The following ZNF676 variants were observed in gnomAD, a reference collection of about 807,000 sequenced individuals.
The protein encoded by ZNF676 is zinc finger protein 676.
A neutral mutation model predicts 6.0 loss-of-function variants in ZNF676; 4 were observed. That is an observed-to-expected ratio of 0.67 (90% CI 0.33 to 1.53). The LOEUF is 1.53. ZNF676 is among the 40% of genes most tolerant of loss of function. ZNF676 has a pLI of 0.06. For synonymous variants in ZNF676, 198 were observed against 223.1 expected, an observed-to-expected ratio of 0.89 and a Z score of 1.00; for missense variants, 644 against 679.7, an observed-to-expected ratio of 0.95 and a Z score of 0.58.
the ZNF676 span, chr19:22,243,513 G>GAGTT: frequency 6.6e-6 from 1 of 152,134 alleles, no homozygotes; most frequent in South Asian, 2.1e-4. Context: ...CCAGGCCAGA[G>GAGTT]AGTTACATCA....
the ZNF676 span, among the ~76,000 whole-genome samples, chr19:22,229,739 T>C: frequency 1.3e-5 from 2 of 151,840 alleles, no homozygotes; most frequent in South Asian, 2.1e-4. Context: ...CCAACAAACA[T>C]ATGAAAAAAA....
At chr19:22,241,742 C>T in the ZNF676 span, among the ~76,000 whole-genome samples, 1 of 151,952 alleles carries the variant, frequency 6.6e-6, no homozygotes, top group Non-Finnish European at 1.5e-5. Flanking sequence ...GAGTCAACAT[C>T]TCTTTAATTG....
At chr19:22,212,028 T>C (rs1156697498) in intron 1 of ZNF676, among the ~76,000 whole-genome samples, 7 of 151,296 alleles carry the variant, frequency 4.6e-5, no homozygotes, top group Non-Finnish European at 8.8e-5. Flanking sequence ...TGAAACACCG[T>C]CTCTATTAAA....
Position 22,179,715 on chromosome 19 carries a change from A to T in ZNF676, c.*235T>A. The T allele has an allele frequency of 1.3e-6, 1 of 742,148 alleles. No individual in the cohort carries two copies. Among genetic ancestry groups the T allele is most frequent in the Non-Finnish European group, 2.5e-6 (1 of 407,910 alleles). 46.0% of individuals were successfully genotyped at this position (742,148 alleles called of 1,614,324 possible). A position where few individuals can be genotyped will look rare whatever the true frequency, so the allele number is the denominator to read the frequency against. On this transcript the variant is annotated 3_prime_UTR_variant, in exon 3 of 3. Coordinates refer to ENST00000397121, the MANE Select transcript of ZNF676 (RefSeq NM_001001411.3). Reference sequence around the variant, plus strand: ...CTTCGCATTTGTAGGGTTTCTCTCCAGTATGAATTCTCTTATGTTCCACAA... The same window carrying T: ...CTTCGCATTTGTAGGGTTTCTCTCCTGTATGAATTCTCTTATGTTCCACAA...
upstream of ZNF676, among the ~76,000 whole-genome samples, chr19:22,201,603 G>A (rs536458531): frequency 2.0e-5 from 3 of 152,064 alleles, no homozygotes; most frequent in African/African-American, 7.2e-5. Flanking sequence ...GAAAAAAGCT[G>A]ACACAACATG....
rs773093854 is a variant in ZNF676 at position 22,180,873 on chromosome 19, T to G, written c.844A>C (p.Lys282Gln). ...GAAGCTTTGCCACATTCTTCACATTTGTAGGGCTTCTCTTCAGCATGAATT... is the reference window on the plus strand; with the variant it reads ...GAAGCTTTGCCACATTCTTCACATTGGTAGGGCTTCTCTTCAGCATGAATT... Reference protein sequence around the residue: ...KAIHAEEKPYKCEECGKASNS... With the variant: ...KAIHAEEKPYQCEECGKASNS... Residue 282 changes from lysine to glutamine, a missense_variant, in exon 3 of 3, where the codon AAA (lysine) becomes CAA (glutamine). By Grantham distance (53) the Lys-to-Gln change is moderately conservative. This residue lies in a region of ZNF676 where 28 missense variants were observed against 83.7 expected (regional missense o/e 0.33). Coordinates refer to ENST00000397121, the MANE Select transcript of ZNF676 (RefSeq NM_001001411.3). 4.3e-6 allele frequency: 6 copies of G among 1,402,928 alleles called. No homozygotes were observed. The African/African-American group carries it at 7.4e-5, about 17-fold the overall frequency. 86.9% of individuals were successfully genotyped at this position (1,402,928 alleles called of 1,614,324 possible).
At chr19:22,202,506 T>C (rs2024035943) in intron 1 of ZNF676, among the ~76,000 whole-genome samples, 1 of 152,148 alleles carries the variant, frequency 6.6e-6, no homozygotes, top group Admixed American at 6.5e-5. Flanking sequence ...CCCTATGTGT[T>C]TATATTATGT....
chr19:22,183,370 T>C (rs1182801857), intron 2 of ZNF676, among the ~76,000 whole-genome samples: 2 of 152,174 alleles, frequency 1.3e-5, no homozygotes, highest in Admixed American at 6.6e-5. Context: ...AAAGTTTTAC[T>C]CTTGTTGCCC....
At chr19:22,209,037 G>A (rs764972811) in intron 1 of ZNF676, among the ~76,000 whole-genome samples, 59 of 152,222 alleles carry the variant, frequency 3.9e-4, no homozygotes, top group Admixed American at 9.2e-4. Flanking sequence ...AGGCCAAGGC[G>A]GCAGATCACC....
chr19:22,230,387 T>A, the ZNF676 span, among the ~76,000 whole-genome samples: 55,479 of 151,466 alleles, frequency 0.37, 10,357 homozygotes, highest in African/African-American at 0.42. Flanking sequence ...TTAGAAGAAA[T>A]ACCTAATGTA....
chr19:22,215,800 C>T (rs1223532384), upstream of ZNF676: 7 of 577,290 alleles, frequency 1.2e-5, no homozygotes, highest in Admixed American at 2.6e-4. Flanking sequence ...CGACCTGTCC[C>T]CCCCCCCAGC....
At chr19:22,227,398 A>C in the ZNF676 span, among the ~76,000 whole-genome samples, 3 of 152,222 alleles carry the variant, frequency 2.0e-5, no homozygotes, top group Non-Finnish European at 2.9e-5. Flanking sequence ...AATGCTCACA[A>C]GAGAAAGCAG....
At chr19:22,185,911 T>C (rs2023832089) in intron 2 of ZNF676, among the ~76,000 whole-genome samples, 1 of 151,930 alleles carries the variant, frequency 6.6e-6, no homozygotes, top group Non-Finnish European at 1.5e-5. Flanking sequence ...TTGATTGGGG[T>C]ACCTGAAAGT....
chr19:22,183,733 A>C (rs894651571), intron 2 of ZNF676, among the ~76,000 whole-genome samples: 3 of 152,216 alleles, frequency 2.0e-5, no homozygotes, highest in Non-Finnish European at 4.4e-5. Flanking sequence ...GGCAAGATGG[A>C]AGTAGACATT....
the ZNF676 span, among the ~76,000 whole-genome samples, chr19:22,223,465 G>A: frequency 6.6e-6 from 1 of 151,734 alleles, no homozygotes; most frequent in South Asian, 2.1e-4. Flanking sequence ...ATTTTTGTCA[G>A]GGCTGGCTCA....
rs575244991 is a variant in ZNF676, at chr19:22,214,810, C to A, written c.3+822G>T. Among the ~76,000 whole-genome samples the A allele has an allele frequency of 8.0e-4, 121 of 151,582 alleles. 1 individual carries two copies. The highest frequency in any genetic ancestry group is 2.8e-3 in the African/African-American group (117 of 41,388). On this transcript the variant is annotated intron_variant, in intron 1 of 3. Transcript: ENST00000650058. ...ATCCCAGCACTTTGGGAGGCTGAGG[C>A]GGGTGGATCATGAGGTCAGGAGATC...
intron 2 of ZNF676, among the ~76,000 whole-genome samples, chr19:22,189,392 T>C (rs557343884): frequency 2.6e-5 from 4 of 151,696 alleles, no homozygotes; most frequent in Admixed American, 1.3e-4. Context: ...TTAAAGATGA[T>C]GTAATACCCC....
the ZNF676 span, among the ~76,000 whole-genome samples, chr19:22,260,166 T>C: frequency 1.3e-5 from 2 of 152,070 alleles, no homozygotes; most frequent in Non-Finnish European, 2.9e-5. Context: ...AATCTGGTGG[T>C]GGATGTAGGG....
chr19:22,201,763 TAC>T (rs2024028498), upstream of ZNF676, among the ~76,000 whole-genome samples: 1 of 128,092 alleles, frequency 7.8e-6, no homozygotes, highest in Non-Finnish European at 1.6e-5. Flanking sequence ...AAAAAAGAGG[TAC>T]AGTGAATGAG....
Sources: allele counts gnomAD v4.1 joint callset (sites outside exome capture counted in the v4.1 genomes callset), GRCh38; gene constraint gnomAD v4.1.1; regional missense constraint gnomAD v4.1.1; transcripts MANE v1.5; gene names NCBI Gene and HGNC (gene_info 2026-07-23, HGNC 2026-07-21).